KALRN: variants seen among roughly 807,000 people sequenced by gnomAD.
KALRN encodes kalirin.
KALRN carries 70 observed loss-of-function variants against 353.7 expected under a neutral mutation model. The observed-to-expected ratio is 0.20, with a 90% CI of 0.16 to 0.24. The LOEUF (loss-of-function observed/expected upper bound fraction) is 0.24. KALRN is among the 10% of genes least tolerant of loss of function. The probability of loss-of-function intolerance (pLI) is 1.00; values close to 1 mark genes in which losing one functional copy is unlikely to be tolerated. For missense variants in KALRN, 2,791 were observed against 3,756.7 expected, an observed-to-expected ratio of 0.74 and a Z score of 6.72; for synonymous variants, 1,391 against 1,434.8, an observed-to-expected ratio of 0.97 and a Z score of 0.69.
rs1192758363 is a variant in KALRN, at chr3:124,724,243, G to A, written c.*4773G>A. On this transcript the variant is annotated 3_prime_UTR_variant, in exon 60 of 60. Transcript: ENST00000682506. Reference sequence around the variant, plus strand: ...ACTTTGTCCCATGCATTTAATACAGGAGGAAATTATTTTGTACGTAAGAGG... The same window carrying A: ...ACTTTGTCCCATGCATTTAATACAGAAGGAAATTATTTTGTACGTAAGAGG... 6.6e-6 allele frequency: 1 copy of A among 152,108 alleles called. No homozygotes were observed. 9.4% of individuals were successfully genotyped at this position (152,108 alleles called of 1,614,324 possible). A position where few individuals can be genotyped will look rare whatever the true frequency, so the allele number is the denominator to read the frequency against.
chr3:124,175,031 G>A (rs967874828), intron 1 of KALRN, among the ~76,000 whole-genome samples: 4 of 152,146 alleles, frequency 2.6e-5, no homozygotes, highest in African/African-American at 9.7e-5. Flanking sequence ...CATATCCCTG[G>A]GCCAGCTTGA....
intron 1 of KALRN, among the ~76,000 whole-genome samples, chr3:124,186,752 T>G (rs563187205): frequency 7.2e-5 from 11 of 152,346 alleles, no homozygotes; most frequent in Admixed American, 5.2e-4. Context: ...TTCCTTTCAG[T>G]TCAACACAGT....
chr3:124,424,478 GA>G (rs1280298124), intron 15 of KALRN, among the ~76,000 whole-genome samples: 4 of 151,812 alleles, frequency 2.6e-5, no homozygotes, highest in Non-Finnish European at 4.4e-5. Flanking sequence ...TTATTATAAT[GA>G]AAAAAACACT....
intron 34 of KALRN, among the ~76,000 whole-genome samples, chr3:124,583,806 C>T (rs1016575611): frequency 2.0e-5 from 3 of 152,112 alleles, no homozygotes; most frequent in Admixed American, 1.3e-4. Flanking sequence ...TGCAAATTCT[C>T]GGGCCCCACC....
intron 49 of KALRN, chr3:124,677,691 C>T: frequency 2.3e-6 from 1 of 438,986 alleles, no homozygotes; most frequent in Non-Finnish European, 4.6e-6. Context: ...GGGAGTGGCC[C>T]TGCCCAAATA....
intron 11 of KALRN, 23 bp downstream of exon 11, chr3:124,385,059 G>A: frequency 6.4e-7 from 1 of 1,557,820 alleles, no homozygotes; most frequent in Non-Finnish European, 8.7e-7. Flanking sequence ...AGTGGAGAGA[G>A]GGCATTCTGT....
chr3:124,099,344 A>G (rs1226242419), intron 1 of KALRN: 3 of 152,236 alleles, frequency 2.0e-5, no homozygotes, highest in Non-Finnish European at 4.4e-5. Context: ...TATTTCACTT[A>G]ACATAATGAC....
chr3:124,247,487 TGGGGA>T (rs1216600594), intron 3 of KALRN, among the ~76,000 whole-genome samples: 1 of 151,848 alleles, frequency 6.6e-6, no homozygotes, highest in East Asian at 1.9e-4. Flanking sequence ...AATGCTATTT[TGGGGA>T]TATAAATAGT....
chr3:124,321,805 G>A (rs2079368389), intron 6 of KALRN, among the ~76,000 whole-genome samples: 1 of 152,192 alleles, frequency 6.6e-6, no homozygotes, highest in Non-Finnish European at 1.5e-5. Context: ...TAGGTAAGAT[G>A]GGGCAGATAA....
At chr3:124,273,538 A>G (rs959493298) in intron 5 of KALRN, among the ~76,000 whole-genome samples, 3 of 152,344 alleles carry the variant, frequency 2.0e-5, no homozygotes, top group Non-Finnish European at 1.5e-5. Context: ...GTTTGGACAT[A>G]CGTATACACC....
intron 5 of KALRN, among the ~76,000 whole-genome samples, chr3:124,285,772 A>G (rs930214327): frequency 6.6e-6 from 1 of 152,068 alleles, no homozygotes; most frequent in African/African-American, 2.4e-5. Flanking sequence ...CTGACCTCAG[A>G]TGATCCACCT....
chr3:124,581,342 G>A (rs1318774028), intron 34 of KALRN, among the ~76,000 whole-genome samples: 1 of 149,128 alleles, frequency 6.7e-6, no homozygotes, highest in Non-Finnish European at 1.5e-5. Context: ...GCAGTGAGCC[G>A]AGATCGTGCC....
intron 1 of KALRN, among the ~76,000 whole-genome samples, chr3:124,109,787 T>C (rs1401338386): frequency 1.8e-5 from 1 of 56,874 alleles, no homozygotes; most frequent in Non-Finnish European, 3.2e-5. Flanking sequence ...ATATATATCA[T>C]ACTTTGATAT....
chr3:124,264,859 C>T (rs1160744185), intron 4 of KALRN, among the ~76,000 whole-genome samples, 169 bp downstream of exon 4: 1 of 152,178 alleles, frequency 6.6e-6, no homozygotes, highest in African/African-American at 2.4e-5. Flanking sequence ...TGGGGAGGAA[C>T]AAGAGGCTCA....
chr3:124,632,319 G>C, intron 34 of KALRN, 101 bp from the exon 35 acceptor site: 1 of 1,180,706 alleles, frequency 8.5e-7, no homozygotes, highest in Non-Finnish European at 1.2e-6. Context: ...TGGACATTCT[G>C]CCTTGTGTCC....
At chr3:124,137,733 AG>A (rs2066100251) in intron 1 of KALRN, among the ~76,000 whole-genome samples, 1 of 152,066 alleles carries the variant, frequency 6.6e-6, no homozygotes, top group Admixed American at 6.6e-5. Flanking sequence ...AGAGGAGGAA[AG>A]CTCTCTCTCC....
intron 13 of KALRN, 142 bp downstream of exon 13, chr3:124,399,013 AC>A: frequency 1.3e-6 from 1 of 772,848 alleles, no homozygotes; most frequent in Non-Finnish European, 2.0e-6. Flanking sequence ...TTCCCAGTCC[AC>A]CATGGCATAT....
At chr3:124,461,817 TG>T in intron 23 of KALRN, 72 bp from the exon 24 acceptor site, 1 of 1,023,164 alleles carries the variant, frequency 9.8e-7, no homozygotes, top group Non-Finnish European at 1.5e-6. Flanking sequence ...CATGCTGGGG[TG>T]GGGAAGTGAA....
At position 124,511,781 on chromosome 3, in the gene KALRN, A is replaced by T. The variant is rs377192388; in HGVS notation, c.4935+15368A>T. The stretch of plus-strand genomic sequence containing the variant: ...AACTATACTGCATCACTGTGTCTCC[A>T]AAATTATTTATCTGTCCTGAGAGGT... On this transcript the variant is annotated intron_variant, in intron 33 of 59. Coordinates refer to ENST00000682506, the MANE Select transcript of KALRN (RefSeq NM_001388419.1). Among the ~76,000 whole-genome samples the T allele has an allele frequency of 4.7e-4, 72 of 152,342 alleles. No homozygotes were observed. In the East Asian group the frequency reaches 9.6e-3, roughly 20 times the overall value.
Sources: allele counts gnomAD v4.1 joint callset (sites outside exome capture counted in the v4.1 genomes callset), GRCh38; gene constraint gnomAD v4.1.1; transcripts MANE v1.5; gene names NCBI Gene and HGNC (gene_info 2026-07-23, HGNC 2026-07-21).